Variants in NSD2 observed in about 807,000 individuals in gnomAD.
NSD2 encodes histone-lysine N-methyltransferase NSD2.
Under a neutral mutation model 139.0 loss-of-function variants are expected in NSD2, and 12 were observed. That is an observed-to-expected ratio of 0.09 (90% CI 0.06 to 0.14). The LOEUF is 0.14. Ranked by LOEUF, NSD2 falls within the 10% of genes least tolerant of loss-of-function variation. The pLI, the probability that NSD2 is intolerant of heterozygous loss-of-function variation, is 1.00. For missense variants in NSD2, 1,155 were observed against 1,745.0 expected (o/e 0.66, Z 6.02); for synonymous variants, 669 against 648.7 (o/e 1.03, Z -0.48).
chr4:1,926,320 A>G (rs1720910514), intron 5 of NSD2, among the ~76,000 whole-genome samples: 1 of 150,926 alleles, frequency 6.6e-6, no homozygotes, highest in South Asian at 2.1e-4. Flanking sequence ...ACGCCCAGCT[A>G]ATTTTTGTAT....
chr4:1,907,918 G>C (rs1480170735), intron 3 of NSD2, among the ~76,000 whole-genome samples: 1 of 152,084 alleles, frequency 6.6e-6, no homozygotes, highest in Non-Finnish European at 1.5e-5. Context: ...CATCTCTTTT[G>C]TTGCATGATG....
chr4:1,957,514 C>G (rs1724957540), intron 15 of NSD2, among the ~76,000 whole-genome samples: 2 of 151,324 alleles, frequency 1.3e-5, no homozygotes, highest in Non-Finnish European at 2.9e-5. Context: ...TCTTGAACTC[C>G]TGACCTCAGG....
chr4:1,907,036 G>A (rs962354366), intron 3 of NSD2, among the ~76,000 whole-genome samples: 6 of 152,078 alleles, frequency 3.9e-5, no homozygotes, highest in African/African-American at 9.7e-5. Context: ...TTATGGCACC[G>A]TTGTGTTACT....
chr4:1,961,303 C>A, intron 18 of NSD2, 152 bp downstream of exon 18: 2 of 674,344 alleles, frequency 3.0e-6, no homozygotes, highest in Non-Finnish European at 4.9e-6. Flanking sequence ...TTCTGAGGTG[C>A]AGCGTGTCTT....
intron 1 of NSD2, among the ~76,000 whole-genome samples, chr4:1,890,492 A>G (rs1178292131): frequency 6.6e-6 from 1 of 151,484 alleles, no homozygotes; most frequent in East Asian, 1.9e-4. Context: ...TAGTAGAGAC[A>G]GGGTTTCACT....
intron 1 of NSD2, among the ~76,000 whole-genome samples, chr4:1,874,927 G>A (rs1269519300): frequency 1.3e-5 from 2 of 152,160 alleles, no homozygotes; most frequent in African/African-American, 4.8e-5. Context: ...TGGTAACCCA[G>A]GGACTCTAGC....
Position 1,945,697 on chromosome 4 carries a change from T to G in NSD2, c.1882-5375T>G. 3 of 1,063,372 alleles carry G rather than the reference T, an allele frequency of 2.8e-6. 1 individual carries two copies. In the South Asian group the frequency reaches 1.4e-4, roughly 48 times the overall value. The allele number at this position is 1,063,372 out of a possible 1,614,324, so 65.9% of individuals were successfully genotyped here. On this transcript the variant is annotated intron_variant, in intron 9 of 21. Transcript: ENST00000508803. ...ATGAGGGAAAAGTCCTTGGCTCGTTTGATCCAGTTGAGTTGAAAGGGTTGC... is the reference window on the plus strand; with the variant it reads ...ATGAGGGAAAAGTCCTTGGCTCGTTGGATCCAGTTGAGTTGAAAGGGTTGC...
At chr4:1,946,835 GC>G (rs1723685132) in intron 9 of NSD2, 1 of 1,056,578 alleles carries the variant, frequency 9.5e-7, no homozygotes, top group Admixed American at 5.4e-5. Context: ...CTCTCCAACA[GC>G]CCGACAGGCC....
At position 1,972,980 on chromosome 4, in the gene NSD2, G is replaced by A. The variant is rs770518775; in HGVS notation, c.3373-1883G>A. 1.4e-4 allele frequency among the ~76,000 whole-genome samples: 21 copies of A among 152,080 alleles called. No individual in the cohort carries two copies. The highest frequency in any genetic ancestry group is 2.4e-4 in the Non-Finnish European group (16 of 68,010). On this transcript the variant is annotated intron_variant, in intron 18 of 21. Coordinates refer to ENST00000508803, the MANE Select transcript of NSD2 (RefSeq NM_001042424.3). The surrounding 1 kb of genome is among the most constrained non-coding windows in gnomAD (Gnocchi z 4.0). ...CCATTCTCCTGCCTCAGCCTCCCGAGTAACTGGGATTACCGGTGCCCACCA... is the reference window on the plus strand; with the variant it reads ...CCATTCTCCTGCCTCAGCCTCCCGAATAACTGGGATTACCGGTGCCCACCA...
At chr4:1,943,106 C>T in intron 9 of NSD2, 2 of 1,047,314 alleles carry the variant, frequency 1.9e-6, no homozygotes, top group Non-Finnish European at 2.3e-6. Flanking sequence ...AGAGCATCAG[C>T]CCTCATGTTT....
chr4:1,891,907 C>T (rs1715600646), intron 1 of NSD2, among the ~76,000 whole-genome samples: 1 of 149,922 alleles, frequency 6.7e-6, no homozygotes, highest in African/African-American at 2.5e-5. Flanking sequence ...AAACGAAAAA[C>T]CTCACCAGAA....
intron 1 of NSD2, among the ~76,000 whole-genome samples, chr4:1,890,151 G>A (rs113539527): frequency 9.4e-4 from 143 of 152,228 alleles, no homozygotes; most frequent in African/African-American, 3.3e-3. Context: ...AAATCAGGAC[G>A]TCATTTCTTT....
At chr4:1,962,847 T>C (rs906830189) in intron 18 of NSD2, among the ~76,000 whole-genome samples, 2 of 152,104 alleles carry the variant, frequency 1.3e-5, no homozygotes, top group Admixed American at 1.3e-4. Flanking sequence ...ATGAAATTTT[T>C]TTAAATAAAA....
intron 9 of NSD2, chr4:1,940,971 C>A: frequency 9.4e-7 from 1 of 1,058,350 alleles, no homozygotes; most frequent in East Asian, 5.2e-5. Context: ...GAGACCTGTT[C>A]ACGGATGGTG....
chr4:1,925,460 G>A (rs1212644428), intron 5 of NSD2, among the ~76,000 whole-genome samples: 26 of 122,352 alleles, frequency 2.1e-4, no homozygotes, highest in African/African-American at 6.5e-4. Flanking sequence ...GTGCGAAGGC[G>A]CCACCTCGGC....
chr4:1,945,285 T>C, intron 9 of NSD2: 1 of 1,066,028 alleles, frequency 9.4e-7, no homozygotes, highest in Non-Finnish European at 1.1e-6. Flanking sequence ...CGTTAAGAGC[T>C]GAGCACACCA....
chr4:1,958,042 G>C lies in NSD2; in HGVS notation c.2985+6G>C, dbSNP rs199564032. On this transcript the variant is annotated splice_donor_region_variant and intron_variant, in intron 16 of 21. Coordinates refer to ENST00000508803, the MANE Select transcript of NSD2 (RefSeq NM_001042424.3). This position sits in a 1 kb window ranked among gnomAD's most constrained non-coding sequence, Gnocchi z 4.6. ...CACCATACAAGCACATCAAGGTGGC[G>C]TGTGGGAGCTGCGTGCACGCGTGTG... 2 of 1,613,148 alleles carry C rather than the reference G, an allele frequency of 1.2e-6. No individual in the cohort carries two copies. The highest frequency in any genetic ancestry group is 2.7e-5 in the African/African-American group (2 of 74,886).
At chr4:1,890,162 T>C (rs1439488501) in intron 1 of NSD2, among the ~76,000 whole-genome samples, 2 of 152,240 alleles carry the variant, frequency 1.3e-5, no homozygotes, top group Non-Finnish European at 2.9e-5. Flanking sequence ...TCATTTCTTT[T>C]TGTGGCTAAA....
At chr4:1,891,886 CAA>C (rs934804387) in intron 1 of NSD2, among the ~76,000 whole-genome samples, 3 of 147,032 alleles carry the variant, frequency 2.0e-5, no homozygotes, top group African/African-American at 7.6e-5. Flanking sequence ...AAAAAACAAA[CAA>C]AAACGAAAAA....
Sources: allele counts gnomAD v4.1 joint callset (sites outside exome capture counted in the v4.1 genomes callset), GRCh38; gene constraint gnomAD v4.1.1; non-coding constraint Gnocchi (gnomAD v3.1); transcripts MANE v1.5; gene names NCBI Gene and HGNC (gene_info 2026-07-23, HGNC 2026-07-21).